Variants in GRHL2 observed in about 807,000 individuals in gnomAD.
GRHL2 encodes the protein grainyhead like transcription factor 2.
GRHL2 carries 21 observed loss-of-function variants against 83.8 expected under a neutral mutation model. The ratio of observed to expected loss-of-function variants is 0.25; its 90% CI spans 0.18 to 0.36. GRHL2 has a LOEUF of 0.36. Among genes scored for constraint, GRHL2 ranks in the 10% least tolerant of loss-of-function variants. The pLI is 1.00. For synonymous variants in GRHL2, 280 were observed against 278.9 expected (o/e 1.00, Z -0.04); for missense variants, 623 against 781.8 (o/e 0.80, Z 2.42).
intron 14 of GRHL2, among the ~76,000 whole-genome samples, chr8:101,650,842 T>C (rs1372313277): frequency 7.0e-6 from 1 of 143,372 alleles, no homozygotes; most frequent in African/African-American, 2.6e-5. Context: ...TATTCATTGT[T>C]CACCAGAAAT....
intron 7 of GRHL2, among the ~76,000 whole-genome samples, chr8:101,596,261 T>A (rs1172428442): frequency 6.6e-6 from 1 of 152,182 alleles, no homozygotes; most frequent in African/African-American, 2.4e-5. Flanking sequence ...TGAGTCACCA[T>A]GTTTTGCATA....
chr8:101,673,837 C>T (rs1339358277), downstream of GRHL2, among the ~76,000 whole-genome samples: 2 of 152,124 alleles, frequency 1.3e-5, no homozygotes, highest in African/African-American at 4.8e-5. Flanking sequence ...TGTAAAAGAA[C>T]AGAAATTATA....
chr8:101,562,469 T>C, intron 4 of GRHL2: 1 of 369,214 alleles, frequency 2.7e-6, no homozygotes, highest in Non-Finnish European at 4.9e-6. Flanking sequence ...TGAACAAATA[T>C]AACACTTCTC....
rs116523981 is a variant in GRHL2 at position 101,650,923 on chromosome 8, C to A, written c.1698+1424C>A. Among the ~76,000 whole-genome samples the A allele has an allele frequency of 1.6e-3, 248 of 152,066 alleles. 1 individual carries two copies. The highest frequency in any genetic ancestry group is 5.8e-3 in the African/African-American group (239 of 41,478). On this transcript the variant is annotated intron_variant, in intron 14 of 15. Transcript: ENST00000646743. ...TTATTAACAAGTCCCCAGGCAATTC[C>A]GAGTGGAGCATCAAGGACCTCCGTC...
intron 6 of GRHL2, among the ~76,000 whole-genome samples, chr8:101,576,724 G>A (rs1167096653): frequency 1.3e-5 from 2 of 152,050 alleles, no homozygotes; most frequent in Non-Finnish European, 2.9e-5. Flanking sequence ...GTTTAATGAG[G>A]CTGTTTATAA....
chr8:101,617,616 C>T (rs1812881831), intron 8 of GRHL2, among the ~76,000 whole-genome samples: 2 of 152,164 alleles, frequency 1.3e-5, no homozygotes. Flanking sequence ...GCAATCCTCC[C>T]ATCTCAGCCT....
intron 7 of GRHL2, among the ~76,000 whole-genome samples, chr8:101,586,400 G>A (rs1008199089): frequency 6.6e-6 from 1 of 151,952 alleles, no homozygotes; most frequent in Non-Finnish European, 1.5e-5. Flanking sequence ...CCATCTCTGG[G>A]GTTCTCCTTG....
chr8:101,618,890 T>C (rs1392219150), intron 8 of GRHL2, among the ~76,000 whole-genome samples: 7 of 152,086 alleles, frequency 4.6e-5, no homozygotes, highest in Non-Finnish European at 1.0e-4. Context: ...GGTATAACTA[T>C]TAGAAGTGGC....
intron 5 of GRHL2, among the ~76,000 whole-genome samples, chr8:101,571,121 G>T (rs1259830490): frequency 6.6e-6 from 1 of 151,784 alleles, no homozygotes; most frequent in Non-Finnish European, 1.5e-5. Context: ...AAAAACATTT[G>T]CTAAGAGATG....
intron 8 of GRHL2, among the ~76,000 whole-genome samples, chr8:101,613,673 T>C (rs1812797638): frequency 6.6e-6 from 1 of 151,148 alleles, no homozygotes; most frequent in Admixed American, 6.6e-5. Context: ...GAAAGCTGTC[T>C]GTAGAAGTTC....
At chr8:101,528,258 G>T (rs1050477452) in intron 1 of GRHL2, among the ~76,000 whole-genome samples, 8 of 152,050 alleles carry the variant, frequency 5.3e-5, no homozygotes, top group Non-Finnish European at 1.0e-4. Context: ...ACAATGCTTT[G>T]ATTGCTCAGT....
chr8:101,558,517 A>T lies in GRHL2; in HGVS notation c.383A>T (p.Gln128Leu). The T allele has an allele frequency of 6.2e-7, 1 of 1,614,102 alleles. No homozygotes were observed. Among genetic ancestry groups the T allele is most frequent in the Non-Finnish European group, 8.5e-7 (1 of 1,180,006 alleles). Reference sequence around the variant, plus strand: ...GTTCCAGTGAACCTTTCCCTAAATCAAGATCACCTGGAGAATTCCAAGCGG... The same window carrying T: ...GTTCCAGTGAACCTTTCCCTAAATCTAGATCACCTGGAGAATTCCAAGCGG... The part of the protein sequence containing the change: ...KTVPVNLSLN[Q>L]DHLENSKREQ... The change falls in exon 4 of 16, where the codon CAA (glutamine) becomes CTA (leucine). Residue 128 changes from glutamine (Q) to leucine (L), a missense_variant. Coordinates refer to ENST00000646743, the MANE Select transcript of GRHL2 (RefSeq NM_024915.4).
At chr8:101,603,154 A>C (rs538827786) in intron 8 of GRHL2, among the ~76,000 whole-genome samples, 1 of 152,184 alleles carries the variant, frequency 6.6e-6, no homozygotes, top group African/African-American at 2.4e-5. Context: ...GAGGATTAAG[A>C]ATGAGGTTTT....
chr8:101,651,895 C>G (rs1032718783), intron 14 of GRHL2, among the ~76,000 whole-genome samples: 1 of 152,128 alleles, frequency 6.6e-6, no homozygotes, highest in African/African-American at 2.4e-5. Context: ...TCCTTGCTTC[C>G]TAAGTTATGC....
At chr8:101,611,926 C>T (rs944685297) in intron 8 of GRHL2, among the ~76,000 whole-genome samples, 1 of 151,038 alleles carries the variant, frequency 6.6e-6, no homozygotes, top group South Asian at 2.1e-4. Context: ...CTCTCTTTCT[C>T]CTGTCTCAAG....
rs35693999 is a variant in GRHL2 at position 101,656,873 on chromosome 8, G to GACACACACACACACACACACACAC, written c.1698+7384_1698+7407dup. Among the ~76,000 whole-genome samples the GACACACACACACACACACACACAC allele has an allele frequency of 7.4e-3, 1,086 of 147,326 alleles. 14 individuals are homozygous for GACACACACACACACACACACACAC. Among genetic ancestry groups the GACACACACACACACACACACACAC allele is most frequent in the African/African-American group, 0.019 (724 of 38,920 alleles). On this transcript the variant is annotated intron_variant, in intron 14 of 15. Coordinates refer to ENST00000646743, the MANE Select transcript of GRHL2 (RefSeq NM_024915.4). Reference sequence around the variant, plus strand: ...GTTAGTGTATTTTATGTGTCTAACAGACACACACACACACACACACACACA... The same window carrying GACACACACACACACACACACACAC: ...GTTAGTGTATTTTATGTGTCTAACAGACACACACACACACACACACACACACACACACACACACACACACACACA...
chr8:101,542,752 C>T, intron 1 of GRHL2: 2 of 456,516 alleles, frequency 4.4e-6, no homozygotes, highest in Admixed American at 4.7e-5. Flanking sequence ...AGCATCTGAC[C>T]AAGGACTTCT....
At position 101,614,523 on chromosome 8, in the gene GRHL2, T is replaced by C. The variant is rs975618514; in HGVS notation, c.1099-5016T>C. Among the ~76,000 whole-genome samples, 2 of 143,150 alleles carry C rather than the reference T, an allele frequency of 1.4e-5. 1 individual carries two copies. The highest frequency in any genetic ancestry group is 5.9e-5 in the African/African-American group (2 of 34,076). The allele number at this position is 143,150 out of a possible 152,430, so 93.9% of individuals were successfully genotyped here. A position where few individuals can be genotyped will look rare whatever the true frequency, so the allele number is the denominator to read the frequency against. ...ATAGATTGTTCACGGCATTTATACA[T>C]CCTTTACATAATCAAGGCTTCCACC... is the stretch of plus-strand genomic sequence containing the variant. On this transcript the variant is annotated intron_variant, in intron 8 of 15. Transcript: ENST00000646743.
chr8:101,678,603 C>A, the GRHL2 span, among the ~76,000 whole-genome samples: 1 of 151,274 alleles, frequency 6.6e-6, no homozygotes, highest in African/African-American at 2.4e-5. Flanking sequence ...GCCTGCCTGC[C>A]TCTGTAGGCT....
Sources: allele counts gnomAD v4.1 joint callset (sites outside exome capture counted in the v4.1 genomes callset), GRCh38; gene constraint gnomAD v4.1.1; transcripts MANE v1.5; gene names NCBI Gene and HGNC (gene_info 2026-07-23, HGNC 2026-07-21).